RAB23: variants seen among roughly 807,000 people sequenced by gnomAD.
RAB23 encodes ras-related protein Rab-23.
RAB23 carries 15 observed loss-of-function variants against 30.0 expected under a neutral mutation model. The ratio of observed to expected loss-of-function variants is 0.50; its 90% CI spans 0.33 to 0.77. The LOEUF is 0.77. Among genes scored for constraint, RAB23 ranks in the 30% least tolerant of loss-of-function variants. RAB23 has a pLI of 0.02. For synonymous variants in RAB23, 93 were observed against 94.0 expected (o/e 0.99, Z 0.06); for missense variants, 243 against 275.4 (o/e 0.88, Z 0.83).
At chr6:57,213,619 C>A (rs1320175440) in intron 1 of RAB23, among the ~76,000 whole-genome samples, 12 of 152,008 alleles carry the variant, frequency 7.9e-5, no homozygotes, top group Admixed American at 7.2e-4. Flanking sequence ...ACACATTTTT[C>A]CCTATTCCTT....
At chr6:57,209,491 T>C (rs1436321321) in intron 2 of RAB23, among the ~76,000 whole-genome samples, 2 of 152,294 alleles carry the variant, frequency 1.3e-5, no homozygotes, top group South Asian at 2.1e-4. Flanking sequence ...AAGAAAGTAA[T>C]AGAATACAGA....
intron 1 of RAB23, among the ~76,000 whole-genome samples, chr6:57,221,055 C>T (rs1372748399): frequency 1.3e-5 from 2 of 151,848 alleles, no homozygotes; most frequent in East Asian, 3.9e-4. Flanking sequence ...AATACCCTTT[C>T]CCCAAAACTT....
At chr6:57,220,847 CCATA>C (rs1220575942) in intron 1 of RAB23, among the ~76,000 whole-genome samples, 2 of 151,774 alleles carry the variant, frequency 1.3e-5, no homozygotes, top group Non-Finnish European at 2.9e-5. Flanking sequence ...ATCAATTTTA[CCATA>C]CACTTTTTAA....
intron 5 of RAB23, 26 bp from the exon 6 acceptor site, chr6:57,193,960 A>G: frequency 6.2e-7 from 1 of 1,603,546 alleles, no homozygotes; most frequent in South Asian, 1.1e-5. Context: ...AACACCCAGA[A>G]CCAGGTCAAT....
chr6:57,221,424 T>G (rs1183854181), intron 1 of RAB23: 2 of 152,270 alleles, frequency 1.3e-5, no homozygotes, highest in Non-Finnish European at 2.9e-5. Context: ...CAGCACAATT[T>G]GGCTCATTCA....
intron 1 of RAB23, among the ~76,000 whole-genome samples, chr6:57,221,031 T>C (rs9382691): frequency 0.063 from 9,651 of 152,140 alleles, 351 homozygotes; most frequent in East Asian, 0.098. Context: ...ACCTCGACAA[T>C]AATACTTTAT....
At chr6:57,201,888 C>T (rs866583894) in intron 3 of RAB23, among the ~76,000 whole-genome samples, 1 of 152,196 alleles carries the variant, frequency 6.6e-6, no homozygotes, top group Admixed American at 6.5e-5. Context: ...AGAGAAATCA[C>T]TTGGGATCCC....
intron 3 of RAB23, among the ~76,000 whole-genome samples, chr6:57,205,675 C>T (rs1242311988): frequency 3.9e-5 from 6 of 152,054 alleles, no homozygotes; most frequent in Non-Finnish European, 5.9e-5. Context: ...GACAAGAAAG[C>T]ATTCCAGGCA....
At chr6:57,205,274 T>C (rs1451318146) in intron 3 of RAB23, among the ~76,000 whole-genome samples, 1 of 151,922 alleles carries the variant, frequency 6.6e-6, no homozygotes, top group Non-Finnish European at 1.5e-5. Context: ...AAAAATAAAA[T>C]TTCATCCATT....
intron 1 of RAB23, among the ~76,000 whole-genome samples, chr6:57,220,653 A>G (rs567280909): frequency 1.6e-4 from 24 of 152,344 alleles, no homozygotes; most frequent in African/African-American, 5.8e-4. Flanking sequence ...ACATCGAAAG[A>G]TTACTAACTG....
chr6:57,211,427 T>C (rs1765648159), intron 1 of RAB23, among the ~76,000 whole-genome samples: 1 of 152,006 alleles, frequency 6.6e-6, no homozygotes, highest in Non-Finnish European at 1.5e-5. Context: ...GCCACTGTAC[T>C]CCAGCCTAGG....
chr6:57,216,218 G>C (rs556069818), intron 1 of RAB23, among the ~76,000 whole-genome samples: 13 of 152,252 alleles, frequency 8.5e-5, no homozygotes, highest in South Asian at 6.2e-4. Context: ...ATACCATCTA[G>C]GTCTGTGTAA....
At chr6:57,216,061 C>G (rs1461512557) in intron 1 of RAB23, among the ~76,000 whole-genome samples, 1 of 152,070 alleles carries the variant, frequency 6.6e-6, no homozygotes, top group Non-Finnish European at 1.5e-5. Flanking sequence ...TTTACTATGC[C>G]TTTTCTGTGT....
chr6:57,198,438 C>T (rs941130731), intron 3 of RAB23, among the ~76,000 whole-genome samples: 33 of 152,062 alleles, frequency 2.2e-4, no homozygotes, highest in African/African-American at 5.8e-4. Flanking sequence ...GGCATGAACC[C>T]GGGAGGTGGA....
At chr6:57,208,991 T>A (rs1040040692) in intron 2 of RAB23, among the ~76,000 whole-genome samples, 5 of 152,218 alleles carry the variant, frequency 3.3e-5, no homozygotes, top group Non-Finnish European at 7.3e-5. Context: ...ACATATTTAT[T>A]TTTTCTGTAA....
At position 57,188,942 on chromosome 6, in the gene RAB23, T is replaced by A. The variant is rs1764723177; in HGVS notation, c.*1519A>T. ...AACAAAAGATAAAACACAAAAGGAG[T>A]ACATAAAACATTGTTTAGTACAAAT... On this transcript the variant is annotated 3_prime_UTR_variant, in exon 7 of 7. Transcript: ENST00000468148. 1 of 151,814 alleles carries A rather than the reference T, an allele frequency of 6.6e-6. No individual in the cohort carries two copies. The highest frequency in any genetic ancestry group is 1.5e-5 in the Non-Finnish European group (1 of 67,918). 9.4% of individuals were successfully genotyped at this position (151,814 alleles called of 1,614,324 possible). A position where few individuals can be genotyped will look rare whatever the true frequency, so the allele number is the denominator to read the frequency against.
intron 4 of RAB23, among the ~76,000 whole-genome samples, chr6:57,195,807 A>T (rs547924026): frequency 6.6e-6 from 1 of 152,292 alleles, no homozygotes; most frequent in Admixed American, 6.5e-5. Flanking sequence ...AGCCATTCTC[A>T]AACTCCTGAT....
Position 57,193,842 on chromosome 6 carries a change from C to T in RAB23, c.574G>A (p.Gly192Ser). 6.2e-7 allele frequency: 1 copy of T among 1,612,434 alleles called. No individual in the cohort carries two copies. The part of the protein sequence containing the change: ...ELTHSSSNKI[G>S]VFNTSGGSHS... The stretch of plus-strand genomic sequence containing the variant: ...GGGCTAAAATTTCCTATGTACTTAC[C>T]AATCTTGTTACTACTTGAATGCGTT... Residue 192 changes from glycine to serine, a missense_variant and splice_region_variant, in exon 6 of 7, where the codon GGT becomes AGT. Physicochemically the swap from Gly to Ser is moderately conservative, Grantham distance 56. Transcript: ENST00000468148.
rs1161158110 is a variant in RAB23, at chr6:57,188,127, T to TTTTC, written c.*2330_*2333dup. 1.3e-5 allele frequency: 2 copies of TTTTC among 152,142 alleles called. No homozygotes were observed. The highest frequency in any genetic ancestry group is 2.4e-5 in the African/African-American group (1 of 41,442). 9.4% of individuals were successfully genotyped at this position (152,142 alleles called of 1,614,324 possible). A position where few individuals can be genotyped will look rare whatever the true frequency, so the allele number is the denominator to read the frequency against. ...CAATCACCTGGAATCTTGGAAAAGT[T>TTTTC]TTTCTTTAGTATACATGGTTTCATA... On this transcript the variant is annotated 3_prime_UTR_variant, in exon 7 of 7. Transcript: ENST00000468148.
Sources: allele counts gnomAD v4.1 joint callset (sites outside exome capture counted in the v4.1 genomes callset), GRCh38; gene constraint gnomAD v4.1.1; transcripts MANE v1.5; gene names NCBI Gene and HGNC (gene_info 2026-07-23, HGNC 2026-07-21).